The following KPNA1 variants were observed in gnomAD, a reference collection of about 807,000 sequenced individuals.
KPNA1 encodes importin subunit alpha-5.
A neutral mutation model predicts 70.5 loss-of-function variants in KPNA1; 10 were observed. That is an observed-to-expected ratio of 0.14 (90% confidence interval 0.09 to 0.24). KPNA1 has a LOEUF of 0.24. Ranked by LOEUF, KPNA1 falls within the 10% of genes least tolerant of loss-of-function variation. The pLI, the probability that KPNA1 is intolerant of heterozygous loss-of-function variation, is 1.00. For missense variants in KPNA1, 397 were observed against 637.9 expected (o/e 0.62, Z 4.07); for synonymous variants, 192 against 221.9 (o/e 0.87, Z 1.20).
In KPNA1 at chr3:122,472,856, A is replaced by G. The variant is rs188428433; in HGVS notation, c.130-5427T>C. ...AGCACTTTGGGAGGCTGAGGCAGGC[A>G]GATCACTTGAGATCAGGAGTTCAAG... On this transcript the variant is annotated intron_variant, in intron 2 of 13. Transcript: ENST00000344337. 6.9e-3 allele frequency among the ~76,000 whole-genome samples: 1,048 copies of G among 152,134 alleles called. 35 individuals are homozygous for G. Among genetic ancestry groups the G allele is most frequent in the Admixed American group, 0.064 (978 of 15,266 alleles).
At chr3:122,493,287 T>C (rs769338765) in intron 2 of KPNA1, among the ~76,000 whole-genome samples, 1 of 150,426 alleles carries the variant, frequency 6.6e-6, no homozygotes, top group Non-Finnish European at 1.5e-5. Context: ...AGATTAAAAA[T>C]AGTAGAATCA....
intron 2 of KPNA1, among the ~76,000 whole-genome samples, chr3:122,495,036 G>A (rs142263895): frequency 3.1e-3 from 472 of 152,150 alleles, no homozygotes; most frequent in Admixed American, 7.4e-3. Context: ...CAGATCACGA[G>A]GACAAGAGAT....
chr3:122,441,553 A>C (rs2076062372), intron 10 of KPNA1, among the ~76,000 whole-genome samples: 1 of 152,212 alleles, frequency 6.6e-6, no homozygotes, highest in South Asian at 2.1e-4. Flanking sequence ...TACAAGCAAC[A>C]GGTCAAGTCA....
chr3:122,424,876 TGAAA>T lies in KPNA1; in HGVS notation c.*2105_*2108del, dbSNP rs1283916605. Reference sequence around the variant, plus strand: ...TGAATCAGTGCTTCTATTATCCTTCTGAAAGAAGTTATATTTTAATGTGATGTAA... The same window carrying T: ...TGAATCAGTGCTTCTATTATCCTTCTGAAGTTATATTTTAATGTGATGTAA... On this transcript the variant is annotated 3_prime_UTR_variant, in exon 14 of 14. Transcript: ENST00000344337. 2.0e-5 allele frequency: 3 copies of T among 152,698 alleles called. No individual in the cohort carries two copies. The highest frequency in any genetic ancestry group is 4.4e-5 in the Non-Finnish European group (3 of 68,048). 9.5% of individuals were successfully genotyped at this position (152,698 alleles called of 1,614,324 possible). A position where few individuals can be genotyped will look rare whatever the true frequency, so the allele number is the denominator to read the frequency against.
intron 2 of KPNA1, among the ~76,000 whole-genome samples, chr3:122,488,593 T>C (rs183835028): frequency 2.6e-5 from 4 of 152,360 alleles, no homozygotes; most frequent in African/African-American, 4.8e-5. Flanking sequence ...AATAATTTGA[T>C]AGCTGGGATT....
intron 6 of KPNA1, among the ~76,000 whole-genome samples, chr3:122,452,969 A>C (rs188099585): frequency 1.3e-5 from 2 of 151,772 alleles, no homozygotes; most frequent in Non-Finnish European, 2.9e-5. Flanking sequence ...TTTTTTTGAG[A>C]TAGGTCTCAC....
chr3:122,447,869 T>C (rs144320209), intron 9 of KPNA1, among the ~76,000 whole-genome samples: 64 of 152,068 alleles, frequency 4.2e-4, no homozygotes, highest in African/African-American at 1.4e-3. Context: ...AGCATTCCTA[T>C]GACAAAGGGC....
intron 9 of KPNA1, among the ~76,000 whole-genome samples, chr3:122,448,465 C>T (rs1018118733): frequency 3.9e-5 from 6 of 152,068 alleles, no homozygotes; most frequent in South Asian, 2.1e-4. Context: ...AAGCTGGAAA[C>T]GATCATTCTG....
Position 122,467,436 on chromosome 3 carries a change from G to C in KPNA1, c.130-7C>G. ...CATTTCTCCGCTTGAATAACTGAAA[G>C]ATAAAAGATTGGTAGCAATGTAAAT... On this transcript the variant is annotated splice_region_variant and splice_polypyrimidine_tract_variant and intron_variant, in intron 2 of 13. Coordinates refer to ENST00000344337, the MANE Select transcript of KPNA1 (RefSeq NM_002264.4). The C allele has an allele frequency of 6.4e-7, 1 of 1,559,100 alleles. No individual in the cohort carries two copies. Among genetic ancestry groups the C allele is most frequent in the Non-Finnish European group, 8.8e-7 (1 of 1,133,320 alleles).
chr3:122,487,356 C>T (rs928467422), intron 2 of KPNA1, among the ~76,000 whole-genome samples: 3 of 152,192 alleles, frequency 2.0e-5, no homozygotes, highest in African/African-American at 4.8e-5. Flanking sequence ...TAGGGAGGCT[C>T]TTGAAATATT....
chr3:122,460,118 A>G, intron 5 of KPNA1: 2 of 985,386 alleles, frequency 2.0e-6, no homozygotes, highest in Non-Finnish European at 2.4e-6. Flanking sequence ...ATAGCTGCAT[A>G]GTCTCAGGGC....
At chr3:122,431,002 C>G (rs2075897862) in intron 12 of KPNA1, among the ~76,000 whole-genome samples, 1 of 152,150 alleles carries the variant, frequency 6.6e-6, no homozygotes, top group South Asian at 2.1e-4. Context: ...TTCTCCCCTC[C>G]AAAACTGCCA....
chr3:122,464,314 CA>C (rs1441053473), intron 3 of KPNA1: 2 of 303,824 alleles, frequency 6.6e-6, no homozygotes, highest in Non-Finnish European at 1.2e-5. Flanking sequence ...CCTTGCTCAT[CA>C]CATAGCTGGC....
At chr3:122,513,553 C>A (rs1048058603) in intron 1 of KPNA1, among the ~76,000 whole-genome samples, 7 of 152,024 alleles carry the variant, frequency 4.6e-5, no homozygotes. Flanking sequence ...CTGGTGGCAT[C>A]CGCCTGTAGT....
chr3:122,451,730 T>C (rs1298127884), intron 7 of KPNA1, 97 bp from the exon 8 acceptor site: 1 of 800,430 alleles, frequency 1.2e-6, no homozygotes, highest in Non-Finnish European at 2.0e-6. Flanking sequence ...AAGAGATGTC[T>C]TCAGATAGCT....
intron 2 of KPNA1, among the ~76,000 whole-genome samples, chr3:122,480,143 T>C (rs1046096560): frequency 2.0e-5 from 3 of 152,038 alleles, no homozygotes; most frequent in South Asian, 4.1e-4. Flanking sequence ...AAAAGATTAG[T>C]AGTTGTTGTA....
intron 2 of KPNA1, among the ~76,000 whole-genome samples, chr3:122,494,853 G>A (rs1352783611): frequency 1.3e-5 from 2 of 152,166 alleles, no homozygotes; most frequent in Non-Finnish European, 2.9e-5. Flanking sequence ...TGCCAAATAC[G>A]ATCCCTAGAC....
intron 2 of KPNA1, among the ~76,000 whole-genome samples, chr3:122,488,913 GTTC>G (rs1357351617): frequency 6.6e-6 from 1 of 152,128 alleles, no homozygotes; most frequent in Admixed American, 6.5e-5. Context: ...TGGATTTACA[GTTC>G]TTCATTATAA....
In KPNA1 at chr3:122,453,800, G is replaced by C. The variant is rs149742063; in HGVS notation, c.564+70C>G. ...CCACCTTGGCCTCCCAAAATGTTGGGATTACAGGAGTGAGCGACATGCCCA... is the reference window on the plus strand; with the variant it reads ...CCACCTTGGCCTCCCAAAATGTTGGCATTACAGGAGTGAGCGACATGCCCA... On this transcript the variant is annotated intron_variant, in intron 6 of 13. Coordinates refer to ENST00000344337, the MANE Select transcript of KPNA1 (RefSeq NM_002264.4). The C allele has an allele frequency of 5.7e-3, 8,406 of 1,466,414 alleles. 37 individuals carry two copies. The highest frequency in any genetic ancestry group is 7.3e-3 in the Non-Finnish European group (7,940 of 1,087,648). The allele number at this position is 1,466,414 out of a possible 1,614,324, so 90.8% of individuals were successfully genotyped here.
Sources: gnomAD v4.1 joint callset for allele counts (sites outside exome capture counted in the v4.1 genomes callset) on GRCh38, gnomAD v4.1.1 for gene constraint, MANE v1.5 for transcripts, NCBI Gene and HGNC (gene_info 2026-07-23, HGNC 2026-07-21) for gene names.